Variants in PCF11 observed in about 807,000 individuals in gnomAD.
PCF11 encodes PCF11 cleavage and polyadenylation factor subunit, also known as pre-mRNA cleavage complex 2 protein Pcf11.
PCF11 carries 19 observed loss-of-function variants against 166.1 expected under a neutral mutation model. That is an observed-to-expected ratio of 0.11 (90% CI 0.08 to 0.17). The LOEUF (loss-of-function observed/expected upper bound fraction) is 0.17. PCF11 is among the 10% of genes least tolerant of loss of function. The pLI is 1.00. For synonymous variants in PCF11, 663 were observed against 644.1 expected, an observed-to-expected ratio of 1.03 and a Z score of -0.44; for missense variants, 1,565 against 1,855.5, an observed-to-expected ratio of 0.84 and a Z score of 2.88.
chr11:83,161,575 C>T (rs1565150653), intron 2 of PCF11, 123 bp downstream of exon 2: 11 of 636,796 alleles, frequency 1.7e-5, no homozygotes, highest in South Asian at 1.3e-4. Context: ...GGACATTTAT[C>T]GTTAGTACCA....
In PCF11 at chr11:83,164,241, G is replaced by A. The variant is rs1393996808; in HGVS notation, c.542G>A (p.Ser181Asn). The A allele has an allele frequency of 1.1e-5, 17 of 1,613,566 alleles. No homozygotes were observed. The highest frequency in any genetic ancestry group is 1.7e-5 in the Admixed American group (1 of 59,954). ...CCTTCAACACCTGGTACAGTGGTCAGTTCCCCTAGCATCTCCACTCCTCCA... is the reference window on the plus strand; with the variant it reads ...CCTTCAACACCTGGTACAGTGGTCAATTCCCCTAGCATCTCCACTCCTCCA... The change falls in exon 4 of 16, where the codon AGT becomes AAT. Residue 181 changes from serine to asparagine, a missense_variant. Transcript: ENST00000298281.
rs1023424158 is a variant in PCF11, at chr11:83,157,143, G to A, written c.-297G>A. The A allele has an allele frequency of 5.8e-5, 32 of 551,914 alleles. 1 individual carries two copies. In the South Asian group the frequency reaches 8.0e-4, roughly 14 times the overall value. The allele number at this position is 551,914 out of a possible 1,614,324, so 34.2% of individuals were successfully genotyped here. On this transcript the variant is annotated 5_prime_UTR_variant, in exon 1 of 16. Coordinates refer to ENST00000298281, the Ensembl canonical transcript of PCF11. ...CCTAGTTCATTTCGCACGACGCAGC[G>A]GTTGGGAACACAGACATTTTCGGAG...
At chr11:83,177,967 G>C in intron 11 of PCF11, 148 bp downstream of exon 11, 1 of 371,806 alleles carries the variant, frequency 2.7e-6, no homozygotes, top group East Asian at 4.0e-5. Flanking sequence ...TTTTAATGTG[G>C]TAAAATATAC....
chr11:83,168,943 G>A (rs201105443), exon 8 of PCF11: 2 of 1,613,858 alleles, frequency 1.2e-6, no homozygotes, highest in South Asian at 2.2e-5. Flanking sequence ...GGGACCAGGA[G>A]GCCAGCCTGT....
chr11:83,169,636 C>G, exon 8 of PCF11: 1 of 1,613,988 alleles, frequency 6.2e-7, no homozygotes, highest in Non-Finnish European at 8.5e-7. Context: ...ACAACATCAG[C>G]AAGCATCAAG....
At chr11:83,164,738 G>C (rs951620349) in intron 4 of PCF11, among the ~76,000 whole-genome samples, 5 of 151,918 alleles carry the variant, frequency 3.3e-5, no homozygotes, top group South Asian at 2.1e-4. Context: ...TTAGCCAGGT[G>C]GGGTAGTGCA....
chr11:83,177,635 TATA>T (rs1565160855), intron 10 of PCF11, 76 bp from the exon 11 acceptor site: 2 of 621,804 alleles, frequency 3.2e-6, no homozygotes, highest in African/African-American at 1.9e-5. Flanking sequence ...TCTATTTGCT[TATA>T]ATACTATAGT....
chr11:83,157,149 G>C, exon 1 of PCF11: 1 of 569,074 alleles, frequency 1.8e-6, no homozygotes, highest in Non-Finnish European at 3.1e-6. Context: ...CAGCGGTTGG[G>C]AACACAGACA....
exon 8 of PCF11, chr11:83,169,921 C>G (rs1331189360): frequency 1.9e-6 from 3 of 1,608,944 alleles, no homozygotes; most frequent in Non-Finnish European, 2.5e-6. Flanking sequence ...AAAAAATCTT[C>G]AGAGTTCTCA....
exon 8 of PCF11, chr11:83,169,902 T>C: frequency 6.2e-7 from 1 of 1,611,798 alleles, no homozygotes; most frequent in Non-Finnish European, 8.5e-7. Context: ...CTGGACACTA[T>C]TTTGATGAAA....
chr11:83,180,043 G>C (rs796203438), intron 11 of PCF11: 1 of 150,172 alleles, frequency 6.7e-6, no homozygotes, highest in Non-Finnish European at 1.5e-5. Flanking sequence ...TGTTTATTTT[G>C]TTGCTGTAAC....
chr11:83,163,912 C>T (rs774597976), intron 3 of PCF11, 45 bp downstream of exon 3: 1 of 869,988 alleles, frequency 1.1e-6, no homozygotes, highest in Admixed American at 3.4e-5. Context: ...TTAAGTATCA[C>T]ATTTTGAATT....
At chr11:83,168,394 C>CT in intron 7 of PCF11, 34 bp from the exon 8 acceptor site, 1 of 1,515,130 alleles carries the variant, frequency 6.6e-7, no homozygotes, top group Non-Finnish European at 8.9e-7. Flanking sequence ...TTTAAGATAA[C>CT]TTTAGTGAAA....
At chr11:83,158,208 C>A (rs1441032324) in intron 1 of PCF11, 1 of 152,284 alleles carries the variant, frequency 6.6e-6, no homozygotes, top group East Asian at 1.9e-4. Flanking sequence ...CCATTCCCTG[C>A]CAGCCAGGCA....
exon 5 of PCF11, chr11:83,165,885 A>G (rs753613067): frequency 5.0e-6 from 8 of 1,605,630 alleles, no homozygotes; most frequent in South Asian, 1.1e-5. Flanking sequence ...TACTAAGACA[A>G]GTAAAACTAT....
rs375224962 is a variant in PCF11 at position 83,176,611 on chromosome 11, T to G, written c.3758-474T>G. Among the ~76,000 whole-genome samples the G allele has an allele frequency of 4.6e-4, 70 of 151,136 alleles. 3 individuals carry two copies. The East Asian group carries it at 0.013, about 28-fold the overall frequency. ...GCAGAAAAACAAACACCGCATGTTC[T>G]CACTTGTAGGTAGGAATTGAACAAT... On this transcript the variant is annotated intron_variant, in intron 9 of 15. Coordinates refer to ENST00000298281, the Ensembl canonical transcript of PCF11.
chr11:83,170,677 A>G (rs1393573646), intron 8 of PCF11, among the ~76,000 whole-genome samples: 2 of 152,220 alleles, frequency 1.3e-5, no homozygotes, highest in African/African-American at 2.4e-5. Context: ...ATTTGTGATT[A>G]ATTCGGTTGG....
intron 2 of PCF11, among the ~76,000 whole-genome samples, chr11:83,162,505 C>T (rs1860296867): frequency 6.6e-6 from 1 of 152,220 alleles, no homozygotes; most frequent in African/African-American, 2.4e-5. Flanking sequence ...CTGAATACTG[C>T]TAACCAGAGG....
intron 1 of PCF11, among the ~76,000 whole-genome samples, chr11:83,160,584 C>T (rs1030966949): frequency 1.8e-4 from 28 of 151,882 alleles, no homozygotes; most frequent in African/African-American, 6.3e-4. Context: ...AATTTATAAC[C>T]CCTGGTTTGT....
Sources: gnomAD v4.1 joint callset for allele counts (sites outside exome capture counted in the v4.1 genomes callset) on GRCh38, gnomAD v4.1.1 for gene constraint, MANE v1.5 for transcripts, NCBI Gene and HGNC (gene_info 2026-07-23, HGNC 2026-07-21) for gene names.